Variants in CACNA2D3 observed in about 807,000 individuals in gnomAD.
The protein encoded by CACNA2D3 is calcium voltage-gated channel auxiliary subunit alpha2delta 3.
CACNA2D3 carries 60 observed loss-of-function variants against 160.6 expected under a neutral mutation model. The observed-to-expected ratio is 0.37, with a 90% CI of 0.30 to 0.46. CACNA2D3 has a LOEUF of 0.46. CACNA2D3 is among the 20% of genes least tolerant of loss of function. The probability of loss-of-function intolerance (pLI) is 1.00; values close to 1 mark genes in which losing one functional copy is unlikely to be tolerated. For missense variants in CACNA2D3, 1,205 were observed against 1,365.0 expected (o/e 0.88, Z 1.85); for synonymous variants, 558 against 492.9 (o/e 1.13, Z -1.75).
Position 54,921,871 on chromosome 3 carries a change from G to C in CACNA2D3, c.2449+22003G>C, listed in dbSNP as rs17320026. ...CTGGGCTAGTCTGTTATGTCGGTTAGCCTGCCCTAATACCTGTAGTGTTTG... is the reference window on the plus strand; with the variant it reads ...CTGGGCTAGTCTGTTATGTCGGTTACCCTGCCCTAATACCTGTAGTGTTTG... On this transcript the variant is annotated intron_variant, in intron 27 of 37. Transcript: ENST00000474759. Among the ~76,000 whole-genome samples the C allele has an allele frequency of 2.3e-3, 354 of 150,950 alleles. 1 individual carries two copies. The highest frequency in any genetic ancestry group is 6.8e-3 in the Middle Eastern group (2 of 292).
chr3:54,864,594 C>T (rs141241064), intron 17 of CACNA2D3, among the ~76,000 whole-genome samples: 3 of 152,298 alleles, frequency 2.0e-5, no homozygotes, highest in Admixed American at 6.5e-5. Flanking sequence ...CACTGCTTCT[C>T]CTCTCCCTGG....
intron 13 of CACNA2D3, among the ~76,000 whole-genome samples, chr3:54,770,345 T>C (rs1257512157): frequency 6.6e-6 from 1 of 152,194 alleles, no homozygotes; most frequent in Non-Finnish European, 1.5e-5. Context: ...TGGCCAAAGA[T>C]TCGTTTGATG....
intron 13 of CACNA2D3, among the ~76,000 whole-genome samples, chr3:54,816,425 G>C (rs748463980): frequency 1.3e-5 from 2 of 152,070 alleles, no homozygotes; most frequent in Admixed American, 1.3e-4. Context: ...AACAGCTCTC[G>C]CTCCCTTCCC....
intron 4 of CACNA2D3, among the ~76,000 whole-genome samples, chr3:54,503,110 C>T (rs912432254): frequency 1.5e-4 from 23 of 152,298 alleles, no homozygotes; most frequent in East Asian, 5.8e-4. Flanking sequence ...GATGATCTGA[C>T]GTATATTTGC....
chr3:54,706,019 C>A (rs1197924717), intron 11 of CACNA2D3, among the ~76,000 whole-genome samples: 1 of 152,150 alleles, frequency 6.6e-6, no homozygotes, highest in African/African-American at 2.4e-5. Flanking sequence ...TATCACTAGC[C>A]CATATGTTTT....
At chr3:54,725,955 A>C (rs1169391237) in intron 11 of CACNA2D3, among the ~76,000 whole-genome samples, 1 of 152,134 alleles carries the variant, frequency 6.6e-6, no homozygotes, top group Non-Finnish European at 1.5e-5. Context: ...TTCATATAGG[A>C]AGAGAGGAAG....
At chr3:54,882,699 C>T (rs962625706) in intron 21 of CACNA2D3, among the ~76,000 whole-genome samples, 1 of 152,182 alleles carries the variant, frequency 6.6e-6, no homozygotes, top group African/African-American at 2.4e-5. Flanking sequence ...AAAGCTGCTT[C>T]CCCTTGGGCC....
chr3:54,271,074 TG>T (rs1702613558), intron 2 of CACNA2D3, among the ~76,000 whole-genome samples: 1 of 152,188 alleles, frequency 6.6e-6, no homozygotes, highest in Non-Finnish European at 1.5e-5. Context: ...AAGTGACAGC[TG>T]GTGGTAACAG....
At chr3:54,836,618 TTTTTG>T (rs1312741746) in intron 14 of CACNA2D3, among the ~76,000 whole-genome samples, 2 of 152,182 alleles carry the variant, frequency 1.3e-5, no homozygotes, top group Admixed American at 1.3e-4. Context: ...TTTAATTTTG[TTTTTG>T]TTTTATTTGT....
intron 11 of CACNA2D3, among the ~76,000 whole-genome samples, chr3:54,744,717 T>A (rs1190967516): frequency 1.3e-5 from 2 of 152,240 alleles, no homozygotes; most frequent in East Asian, 1.9e-4. Flanking sequence ...GATGGAAGAC[T>A]TGGCTTTCCT....
chr3:54,535,429 A>G (rs1360937945), intron 5 of CACNA2D3, among the ~76,000 whole-genome samples: 1 of 152,236 alleles, frequency 6.6e-6, no homozygotes, highest in African/African-American at 2.4e-5. Flanking sequence ...TTCTTGATTC[A>G]TAAACTTACC....
intron 2 of CACNA2D3, among the ~76,000 whole-genome samples, chr3:54,312,001 C>G (rs952507578): frequency 6.6e-6 from 1 of 152,140 alleles, no homozygotes; most frequent in Non-Finnish European, 1.5e-5. Flanking sequence ...AGGCTTCTTT[C>G]ACTCTTACAT....
chr3:54,324,494 T>C (rs1704078899), intron 3 of CACNA2D3, among the ~76,000 whole-genome samples: 1 of 152,170 alleles, frequency 6.6e-6, no homozygotes, highest in South Asian at 2.1e-4. Context: ...AACATAATGG[T>C]GCCATCATTA....
chr3:54,254,161 A>G (rs1429785581), intron 2 of CACNA2D3, among the ~76,000 whole-genome samples: 1 of 152,234 alleles, frequency 6.6e-6, no homozygotes, highest in Non-Finnish European at 1.5e-5. Context: ...GTTGATGCTC[A>G]TAGAGACCAC....
intron 2 of CACNA2D3, among the ~76,000 whole-genome samples, chr3:54,180,559 G>T (rs768445928): frequency 1.8e-4 from 27 of 152,144 alleles, no homozygotes; most frequent in Non-Finnish European, 2.6e-4. Flanking sequence ...GTCCAAGGAG[G>T]CCCAGAGCAC....
chr3:54,552,710 T>A (rs543915093), intron 5 of CACNA2D3, among the ~76,000 whole-genome samples: 2 of 152,284 alleles, frequency 1.3e-5, no homozygotes, highest in East Asian at 3.9e-4. Flanking sequence ...ATCATCAGCA[T>A]CATCATGATT....
intron 5 of CACNA2D3, among the ~76,000 whole-genome samples, chr3:54,544,465 A>G (rs1702029911): frequency 6.6e-6 from 1 of 151,460 alleles, no homozygotes; most frequent in South Asian, 2.1e-4. Flanking sequence ...GTGCAGTGGC[A>G]TGATCATAGC....
chr3:54,472,528 C>T (rs1700752186), intron 4 of CACNA2D3, among the ~76,000 whole-genome samples: 1 of 152,156 alleles, frequency 6.6e-6, no homozygotes, highest in Non-Finnish European at 1.5e-5. Context: ...ATTGGAAGTT[C>T]TGGCTAGGGC....
At chr3:54,177,813 A>T (rs1239176338) in intron 2 of CACNA2D3, 1 of 152,108 alleles carries the variant, frequency 6.6e-6, no homozygotes, top group Non-Finnish European at 1.5e-5. Flanking sequence ...ATTTATCTTT[A>T]ACCTCAAGTG....
Sources: gnomAD v4.1 joint callset for allele counts (sites outside exome capture counted in the v4.1 genomes callset) on GRCh38, gnomAD v4.1.1 for gene constraint, MANE v1.5 for transcripts, NCBI Gene and HGNC (gene_info 2026-07-23, HGNC 2026-07-21) for gene names.